Variants in ANKRD29 observed in about 807,000 individuals in gnomAD.
ANKRD29 encodes ankyrin repeat domain 29.
A neutral mutation model predicts 38.0 loss-of-function variants in ANKRD29; 32 were observed. That is an observed-to-expected ratio of 0.84 (90% CI 0.64 to 1.13). The LOEUF (loss-of-function observed/expected upper bound fraction) is 1.13. Ranked by LOEUF, ANKRD29 falls within the 50% of genes most tolerant of loss-of-function variation. The probability of loss-of-function intolerance (pLI) is 0.00; values close to 1 mark genes in which losing one functional copy is unlikely to be tolerated. For missense variants in ANKRD29, 357 were observed against 377.9 expected (o/e 0.94, Z 0.46); for synonymous variants, 135 against 152.4 (o/e 0.89, Z 0.84).
intron 1 of ANKRD29, among the ~76,000 whole-genome samples, chr18:23,656,290 T>G (rs891470939): frequency 6.6e-6 from 1 of 151,950 alleles, no homozygotes. Flanking sequence ...CAAGCAGCCC[T>G]ACATACATTG....
At chr18:23,615,930 T>C (rs373574797) in intron 8 of ANKRD29, among the ~76,000 whole-genome samples, 3,013 of 141,008 alleles carry the variant, frequency 0.021, 128 homozygotes, top group South Asian at 0.079. Context: ...TATGTATATA[T>C]TATATAGTAT....
At chr18:23,656,412 G>A (rs1876970339) in intron 1 of ANKRD29, among the ~76,000 whole-genome samples, 1 of 152,142 alleles carries the variant, frequency 6.6e-6, no homozygotes, top group South Asian at 2.1e-4. Context: ...TGGAGACCCA[G>A]AGCCTAGGGC....
chr18:23,637,721 A>C (rs2060020473), intron 4 of ANKRD29, among the ~76,000 whole-genome samples: 1 of 152,142 alleles, frequency 6.6e-6, no homozygotes, highest in Non-Finnish European at 1.5e-5. Flanking sequence ...TTTTAACAGA[A>C]AAAAAATCCC....
At chr18:23,604,880 T>C (rs1273923626) in intron 9 of ANKRD29, among the ~76,000 whole-genome samples, 1 of 152,218 alleles carries the variant, frequency 6.6e-6, no homozygotes, top group African/African-American at 2.4e-5. Flanking sequence ...GCAGAAGTGC[T>C]GTAGGCATGT....
At chr18:23,660,483 C>A (rs2060344863) in intron 1 of ANKRD29, among the ~76,000 whole-genome samples, 1 of 152,182 alleles carries the variant, frequency 6.6e-6, no homozygotes, top group South Asian at 2.1e-4. Flanking sequence ...TGGTCAATTC[C>A]AGATCCTTGC....
At chr18:23,649,388 T>C (rs2060182261) in intron 1 of ANKRD29, 195 bp from the exon 2 acceptor site, 1 of 704,604 alleles carries the variant, frequency 1.4e-6, no homozygotes, top group South Asian at 1.5e-5. Context: ...AGCCACCACA[T>C]GGCTATGAAG....
At chr18:23,657,177 C>T (rs866633214) in intron 1 of ANKRD29, among the ~76,000 whole-genome samples, 5 of 152,246 alleles carry the variant, frequency 3.3e-5, no homozygotes, top group South Asian at 2.1e-4. Context: ...TCATGGAAAA[C>T]GTTGGCACCT....
rs2059489960 is a variant in ANKRD29, at chr18:23,599,625, G to A, written c.*1601C>T. The A allele has an allele frequency of 6.6e-6, 1 of 152,196 alleles. No homozygotes were observed. Among genetic ancestry groups the A allele is most frequent in the Admixed American group, 6.5e-5 (1 of 15,274 alleles). 9.4% of individuals were successfully genotyped at this position (152,196 alleles called of 1,614,324 possible). On this transcript the variant is annotated 3_prime_UTR_variant, in exon 10 of 10. Coordinates refer to ENST00000592179, the MANE Select transcript of ANKRD29 (RefSeq NM_173505.4). ...AGAATGTCAATGAGGAAATGGCATTGATTTTAGCCACCAAAATGTTTATAT... is the reference window on the plus strand; with the variant it reads ...AGAATGTCAATGAGGAAATGGCATTAATTTTAGCCACCAAAATGTTTATAT...
At chr18:23,630,034 A>C in intron 5 of ANKRD29, 83 bp from the exon 6 acceptor site, 36 of 1,140,468 alleles carry the variant, frequency 3.2e-5, no homozygotes, top group Non-Finnish European at 4.1e-5. Flanking sequence ...GCAGTGGCTC[A>C]TGCCTGTAAT....
intron 3 of ANKRD29, among the ~76,000 whole-genome samples, chr18:23,644,904 C>A (rs2060119343): frequency 6.6e-6 from 1 of 152,270 alleles, no homozygotes; most frequent in South Asian, 2.1e-4. Flanking sequence ...TGGGGTCTTG[C>A]TATGTTGCCC....
chr18:23,604,621 C>A (rs1438698550), intron 9 of ANKRD29, among the ~76,000 whole-genome samples: 1 of 152,072 alleles, frequency 6.6e-6, no homozygotes, highest in Admixed American at 6.6e-5. Flanking sequence ...ACCTCCGCCT[C>A]CCCGGTTCAA....
chr18:23,603,908 T>C (rs1279266872), intron 9 of ANKRD29, among the ~76,000 whole-genome samples: 1 of 151,474 alleles, frequency 6.6e-6, no homozygotes, highest in East Asian at 2.0e-4. Context: ...AGTGGTGCCA[T>C]CTCGGCTCAC....
intron 4 of ANKRD29, among the ~76,000 whole-genome samples, chr18:23,635,528 AGTT>A (rs1189363296): frequency 1.3e-5 from 2 of 152,096 alleles, no homozygotes; most frequent in African/African-American, 2.4e-5. Context: ...AGCGTTGTTG[AGTT>A]GTTTGGCTCT....
At chr18:23,650,821 C>T (rs984057621) in intron 1 of ANKRD29, among the ~76,000 whole-genome samples, 2 of 152,188 alleles carry the variant, frequency 1.3e-5, no homozygotes, top group African/African-American at 4.8e-5. Context: ...CTTTTCTTTA[C>T]GAAGTCAGAA....
intron 5 of ANKRD29, 97 bp downstream of exon 5, chr18:23,633,954 A>G (rs970899259): frequency 5.8e-6 from 7 of 1,211,844 alleles, no homozygotes; most frequent in Non-Finnish European, 1.2e-6. Context: ...ACTGTCCATT[A>G]AAGTATTTTT....
At chr18:23,639,487 G>A (rs1323034245) in intron 3 of ANKRD29, among the ~76,000 whole-genome samples, 1 of 151,206 alleles carries the variant, frequency 6.6e-6, no homozygotes, top group Non-Finnish European at 1.5e-5. Context: ...AGTGAAATAA[G>A]CTAGTCATAA....
chr18:23,660,229 T>A (rs1235779105), intron 1 of ANKRD29, among the ~76,000 whole-genome samples: 10 of 152,270 alleles, frequency 6.6e-5, no homozygotes. Flanking sequence ...TCTTGCTGAT[T>A]AAAGCCATCC....
chr18:23,601,256 C>A lies in ANKRD29; in HGVS notation c.876G>T (p.Leu292=), dbSNP rs1269401933. Residue 292 remains leucine, a synonymous_variant, in exon 10 of 10, where the codon CTG becomes CTT. Coordinates refer to ENST00000592179, the MANE Select transcript of ANKRD29 (RefSeq NM_173505.4). ...LTKNERILRL[L]RSKEGPRKS ...TCTTTCTGGGACCTTCTTTACTTCT[C>A]AGGAGACGCAATATACGTTCATTTT... 1 of 1,614,044 alleles carries A rather than the reference C, an allele frequency of 6.2e-7. No individual in the cohort carries two copies. Among genetic ancestry groups the A allele is most frequent in the African/African-American group, 1.3e-5 (1 of 75,010 alleles).
At chr18:23,617,380 T>C (rs189454735) in intron 8 of ANKRD29, among the ~76,000 whole-genome samples, 2 of 152,312 alleles carry the variant, frequency 1.3e-5, no homozygotes, top group East Asian at 3.9e-4. Context: ...AGTGGTTCTT[T>C]GCTTAAGAAA....
Sources: gnomAD v4.1 joint callset for allele counts (sites outside exome capture counted in the v4.1 genomes callset) on GRCh38, gnomAD v4.1.1 for gene constraint, MANE v1.5 for transcripts, NCBI Gene and HGNC (gene_info 2026-07-23, HGNC 2026-07-21) for gene names.